The following ZMYM4 variants were observed in gnomAD, a reference collection of about 807,000 sequenced individuals.
The protein encoded by ZMYM4 is zinc finger MYM-type containing 4.
In ZMYM4, 31 loss-of-function variants were observed where a neutral mutation model predicts 183.2. That is an observed-to-expected ratio of 0.17 (90% confidence interval 0.13 to 0.23). The LOEUF (loss-of-function observed/expected upper bound fraction) is 0.23. ZMYM4 is among the 10% of genes least tolerant of loss of function. The pLI, the probability that ZMYM4 is intolerant of heterozygous loss-of-function variation, is 1.00. For missense variants in ZMYM4, 1,273 were observed against 1,840.3 expected, an observed-to-expected ratio of 0.69 and a Z score of 5.64; for synonymous variants, 592 against 631.2, an observed-to-expected ratio of 0.94 and a Z score of 0.93.
At chr1:35,397,320 C>G (rs1272390618) in intron 19 of ZMYM4, 57 bp from the exon 20 acceptor site, 3 of 1,438,276 alleles carry the variant, frequency 2.1e-6, no homozygotes, top group African/African-American at 1.4e-5. Flanking sequence ...ACAAATCATA[C>G]TTTTGGCTAC....
chr1:35,387,230 A>G lies in ZMYM4; in HGVS notation c.2064A>G (p.Gln688=). The stretch of plus-strand genomic sequence containing the variant: ...GAAGTGTTGTGAAACTCAAATGTCA[A>G]CACTGTAACCGTCTTTTTGCCACAA... ...FARSVVKLKC[Q]HCNRLFATKP... is the part of the protein sequence containing the mutation. Residue 688 remains glutamine (Q), a synonymous_variant, in exon 12 of 30, where the codon CAA becomes CAG. Coordinates refer to ENST00000314607, the MANE Select transcript of ZMYM4 (RefSeq NM_005095.3). The G allele has an allele frequency of 1.9e-6, 3 of 1,614,202 alleles. No homozygotes were observed. Among genetic ancestry groups the G allele is most frequent in the Non-Finnish European group, 2.5e-6 (3 of 1,180,026 alleles).
chr1:35,409,436 T>C (rs1639778723), intron 26 of ZMYM4, among the ~76,000 whole-genome samples: 2 of 152,170 alleles, frequency 1.3e-5, no homozygotes. Flanking sequence ...TGCTAACATT[T>C]GTTAATTTCT....
intron 2 of ZMYM4, among the ~76,000 whole-genome samples, chr1:35,346,668 AAAG>A (rs1194138209): frequency 6.6e-6 from 1 of 151,194 alleles, no homozygotes; most frequent in Admixed American, 6.6e-5. Flanking sequence ...AAAAAAAAAA[AAAG>A]AAAAAAAAAA....
chr1:35,403,245 G>A (rs895500704), intron 23 of ZMYM4, among the ~76,000 whole-genome samples: 1 of 151,684 alleles, frequency 6.6e-6, no homozygotes, highest in Non-Finnish European at 1.5e-5. Flanking sequence ...TTATTTTTTT[G>A]TGTTGCTGGA....
intron 1 of ZMYM4, among the ~76,000 whole-genome samples, chr1:35,321,291 A>G (rs552967477): frequency 2.6e-5 from 4 of 152,098 alleles, no homozygotes; most frequent in Admixed American, 1.3e-4. Context: ...GTGTGAGATT[A>G]TGGTACCATA....
chr1:35,362,383 T>A (rs904776055), intron 5 of ZMYM4, among the ~76,000 whole-genome samples: 1 of 152,354 alleles, frequency 6.6e-6, no homozygotes, highest in Middle Eastern at 3.4e-3. Flanking sequence ...CATAGAGATC[T>A]TAAAACTGTG....
Position 35,419,327 on chromosome 1 carries a change from G to A in ZMYM4, c.4440-143G>A. On this transcript the variant is annotated intron_variant, in intron 29 of 29. Transcript: ENST00000314607. ...AGGTTGAGAGCCATATTAGGTTGGT[G>A]CAAAAATAATTGCAGTTTTTGCCCT... 5.0e-6 allele frequency: 4 copies of A among 797,434 alleles called. No homozygotes were observed. The South Asian group carries it at 7.5e-5, about 15-fold the overall frequency. The allele number at this position is 797,434 out of a possible 1,614,324, so 49.4% of individuals were successfully genotyped here.
intron 1 of ZMYM4, among the ~76,000 whole-genome samples, chr1:35,318,066 T>G (rs1422101022): frequency 6.7e-6 from 1 of 148,450 alleles, no homozygotes; most frequent in Non-Finnish European, 1.5e-5. Flanking sequence ...TTTTTTTTTT[T>G]TTTTTTTTTT....
rs1644544288 is a variant in ZMYM4, at chr1:35,384,952, C to T, written c.1570-490C>T. 1.3e-5 allele frequency among the ~76,000 whole-genome samples: 2 copies of T among 150,714 alleles called. 1 individual carries two copies. Among genetic ancestry groups the T allele is most frequent in the Admixed American group, 1.3e-4 (2 of 15,102 alleles). The stretch of plus-strand genomic sequence containing the variant: ...TCTGCCTCCTGGTTCACGCCATTCT[C>T]CTGCCTCAGCCTCCTGAATAGCTGG... On this transcript the variant is annotated intron_variant, in intron 9 of 29. Transcript: ENST00000314607.
chr1:35,373,223 T>C (rs1417250667), intron 7 of ZMYM4, among the ~76,000 whole-genome samples: 1 of 149,536 alleles, frequency 6.7e-6, no homozygotes, highest in Non-Finnish European at 1.5e-5. Context: ...TCAGTATAAA[T>C]AAATATATAT....
intron 1 of ZMYM4, among the ~76,000 whole-genome samples, chr1:35,277,476 G>A (rs763846512): frequency 6.6e-6 from 1 of 152,150 alleles, no homozygotes; most frequent in African/African-American, 2.4e-5. Context: ...GTGAATTCTT[G>A]TTGGATCGTT....
At position 35,355,648 on chromosome 1, in the gene ZMYM4, T is replaced by C. The variant is rs180911317; in HGVS notation, c.86-3277T>C. Reference sequence around the variant, plus strand: ...TTGTGTTTTCTCATCTCTAGCCATTTTTAAAGTCACATTTGATCTTTTATA... The same window carrying C: ...TTGTGTTTTCTCATCTCTAGCCATTCTTAAAGTCACATTTGATCTTTTATA... On this transcript the variant is annotated intron_variant, in intron 2 of 29. Transcript: ENST00000314607. Among the ~76,000 whole-genome samples, 61 of 152,318 alleles carry C rather than the reference T, an allele frequency of 4.0e-4. 1 individual carries two copies. The highest frequency in any genetic ancestry group is 1.2e-3 in the Admixed American group (19 of 15,308).
chr1:35,290,760 G>A (rs1373204389), intron 1 of ZMYM4, among the ~76,000 whole-genome samples: 1 of 152,176 alleles, frequency 6.6e-6, no homozygotes, highest in Non-Finnish European at 1.5e-5. Context: ...ATTGATTGTG[G>A]TAATGATTGT....
chr1:35,374,318 G>A (rs1324726327), intron 7 of ZMYM4, among the ~76,000 whole-genome samples: 1 of 152,018 alleles, frequency 6.6e-6, no homozygotes, highest in Non-Finnish European at 1.5e-5. Context: ...ACAGGCATGA[G>A]CCACCGTGCC....
rs925285905 is a variant in ZMYM4, at chr1:35,268,934, C to T, written c.-113C>T. 836 of 1,234,448 alleles carry T rather than the reference C, an allele frequency of 6.8e-4. 1 individual carries two copies. The highest frequency in any genetic ancestry group is 8.2e-4 in the Non-Finnish European group (792 of 963,620). The allele number at this position is 1,234,448 out of a possible 1,614,324, so 76.5% of individuals were successfully genotyped here. On this transcript the variant is annotated 5_prime_UTR_variant, in exon 1 of 30. Transcript: ENST00000314607. ...CTCTCGGCGCAAGGCCCGGCCGGGT[C>T]CGGGGAAGCTGCCGCGAGGCGGCCG...
intron 1 of ZMYM4, 121 bp from the exon 2 acceptor site, chr1:35,325,239 A>G: frequency 2.4e-6 from 2 of 818,058 alleles, no homozygotes; most frequent in Non-Finnish European, 3.6e-6. Flanking sequence ...TTTTGTTTAT[A>G]TTGTGCACTT....
intron 5 of ZMYM4, 82 bp from the exon 6 acceptor site, chr1:35,369,947 A>G (rs1644167841): frequency 2.1e-6 from 2 of 932,328 alleles, no homozygotes; most frequent in Non-Finnish European, 3.3e-6. Flanking sequence ...ATATAGTGGT[A>G]GTAAAATGTC....
intron 17 of ZMYM4, 66 bp from the exon 18 acceptor site, chr1:35,393,524 TTATAA>T: frequency 7.4e-7 from 1 of 1,352,464 alleles, no homozygotes; most frequent in Non-Finnish European, 9.9e-7. Flanking sequence ...TCCTTTAATA[TTATAA>T]TATTTCTTAT....
At chr1:35,338,991 G>A (rs1643089211) in intron 2 of ZMYM4, among the ~76,000 whole-genome samples, 1 of 151,932 alleles carries the variant, frequency 6.6e-6, no homozygotes, top group Non-Finnish European at 1.5e-5. Context: ...TTTCCTTTAT[G>A]GTTTATATTT....
Sources: allele counts gnomAD v4.1 joint callset (sites outside exome capture counted in the v4.1 genomes callset), GRCh38; gene constraint gnomAD v4.1.1; transcripts MANE v1.5; gene names NCBI Gene and HGNC (gene_info 2026-07-23, HGNC 2026-07-21).